Variants in ADCY10 observed in about 807,000 individuals in gnomAD.
ADCY10 encodes adenylate cyclase 10, also known as adenylate cyclase type 10.
In ADCY10, 156 loss-of-function variants were observed where a neutral mutation model predicts 183.3. That is an observed-to-expected ratio of 0.85 (90% CI 0.75 to 0.97). The LOEUF is 0.97. Among genes scored for constraint, ADCY10 ranks in the 50% least tolerant of loss-of-function variants. The probability of loss-of-function intolerance (pLI) is 0.00; values close to 1 mark genes in which losing one functional copy is unlikely to be tolerated. For synonymous variants in ADCY10, 645 were observed against 670.0 expected, an observed-to-expected ratio of 0.96 and a Z score of 0.58; for missense variants, 1,745 against 1,934.3, an observed-to-expected ratio of 0.90 and a Z score of 1.84.
chr1:167,874,069 C>T (rs1283984770), intron 13 of ADCY10, among the ~76,000 whole-genome samples: 5 of 152,288 alleles, frequency 3.3e-5, no homozygotes, highest in South Asian at 4.1e-4. Flanking sequence ...CAGTGGCTCA[C>T]GCCTGTAATC....
intron 30 of ADCY10, among the ~76,000 whole-genome samples, chr1:167,821,515 G>C (rs1038883698): frequency 6.6e-6 from 1 of 152,212 alleles, no homozygotes; most frequent in Non-Finnish European, 1.5e-5. Context: ...TGCTACAAGA[G>C]GCCTGCCTCC....
intron 8 of ADCY10, among the ~76,000 whole-genome samples, chr1:167,885,367 T>A (rs1250486385): frequency 6.6e-6 from 1 of 152,248 alleles, no homozygotes; most frequent in Non-Finnish European, 1.5e-5. Context: ...ACTTTCAAAC[T>A]GTTCTCCAAG....
intron 1 of ADCY10, among the ~76,000 whole-genome samples, chr1:167,909,663 G>A (rs1310908989): frequency 6.6e-6 from 1 of 152,062 alleles, no homozygotes; most frequent in Non-Finnish European, 1.5e-5. Context: ...CCGAAAGATT[G>A]GATACCCCTG....
chr1:167,823,781 T>G (rs1663080315), intron 28 of ADCY10, among the ~76,000 whole-genome samples: 1 of 152,212 alleles, frequency 6.6e-6, no homozygotes, highest in Admixed American at 6.5e-5. Context: ...TGGCTCTTTT[T>G]TCAAATTGTT....
intron 18 of ADCY10, among the ~76,000 whole-genome samples, chr1:167,850,728 C>T (rs1370430009): frequency 7.0e-6 from 1 of 142,022 alleles, no homozygotes; most frequent in East Asian, 2.0e-4. Flanking sequence ...GAGAGTGGGG[C>T]TCAAGGATAT....
At chr1:167,858,810 C>T (rs1006769639) in intron 16 of ADCY10, among the ~76,000 whole-genome samples, 3 of 152,090 alleles carry the variant, frequency 2.0e-5, no homozygotes, top group Non-Finnish European at 2.9e-5. Context: ...GTGTGATTTG[C>T]ATATACTCTG....
chr1:167,819,562 A>ATT (rs146743092), intron 30 of ADCY10, among the ~76,000 whole-genome samples: 3 of 145,744 alleles, frequency 2.1e-5, no homozygotes, highest in Non-Finnish European at 4.5e-5. Context: ...TTTATTTTTT[A>ATT]TTTTTTTTTA....
intron 1 of ADCY10, among the ~76,000 whole-genome samples, chr1:167,912,364 G>A (rs1670203125): frequency 6.6e-6 from 1 of 152,166 alleles, no homozygotes; most frequent in South Asian, 2.1e-4. Context: ...TGGCGATTCC[G>A]GAGGCCTTCT....
rs775686417 is a variant in ADCY10, at chr1:167,818,267, C to G, written c.4287G>C (p.Trp1429Cys). Residue 1429 changes from tryptophan (W) to cysteine (C), a missense_variant and splice_region_variant, in exon 31 of 33, where the codon TGG becomes TGC. Trp to Cys is a radical substitution (Grantham distance 215). Transcript: ENST00000367851. ...LLGLYSSVAI[W>C]YARLQEWDNF... is the part of the protein sequence containing the mutation. ...TGTCCCATTCCTGAAGTCTGGCATA[C>G]CTGCATTACCACAAGAGAATAAGAA... The G allele has an allele frequency of 5.0e-6, 8 of 1,613,384 alleles. No homozygotes were observed. In the East Asian group the frequency reaches 1.8e-4, roughly 36 times the overall value.
At chr1:167,850,369 A>C (rs1467132520) in intron 18 of ADCY10, among the ~76,000 whole-genome samples, 2 of 152,230 alleles carry the variant, frequency 1.3e-5, no homozygotes, top group South Asian at 4.1e-4. Flanking sequence ...GAATCTGTGG[A>C]ATAGTTCAAT....
intron 2 of ADCY10, chr1:167,904,468 C>T: frequency 4.7e-6 from 1 of 211,384 alleles, no homozygotes; most frequent in Non-Finnish European, 9.4e-6. Flanking sequence ...CCTCCTCTAG[C>T]TATTATTTTA....
At chr1:167,880,653 C>CT (rs1183125768) in intron 9 of ADCY10, 44 bp from the exon 10 acceptor site, 7 of 1,447,944 alleles carry the variant, frequency 4.8e-6, no homozygotes, top group African/African-American at 1.4e-5. Flanking sequence ...GGACAGTGTG[C>CT]TTTAAACTGG....
At chr1:167,833,217 A>G in intron 24 of ADCY10, 55 bp from the exon 25 acceptor site, 1 of 1,504,816 alleles carries the variant, frequency 6.6e-7, no homozygotes. Flanking sequence ...ATTCTAACTT[A>G]ATTAGTAGGT....
chr1:167,906,458 TCAGATA>T (rs1412250458), intron 1 of ADCY10, among the ~76,000 whole-genome samples: 1 of 151,848 alleles, frequency 6.6e-6, no homozygotes, highest in Non-Finnish European at 1.5e-5. Context: ...ATAAATAACT[TCAGATA>T]GTAAATTTGG....
intron 26 of ADCY10, among the ~76,000 whole-genome samples, chr1:167,826,641 G>A (rs1284824461): frequency 1.3e-5 from 2 of 152,218 alleles, no homozygotes; most frequent in East Asian, 1.9e-4. Context: ...TTGAGCAACT[G>A]CAAATGTTCT....
chr1:167,841,727 C>A (rs992600924), intron 21 of ADCY10, among the ~76,000 whole-genome samples: 2 of 151,914 alleles, frequency 1.3e-5, no homozygotes, highest in African/African-American at 4.8e-5. Context: ...TGGCCTCAAG[C>A]CTCCAAAGCC....
chr1:167,832,552 T>C (rs186816431), intron 25 of ADCY10, among the ~76,000 whole-genome samples: 24 of 152,316 alleles, frequency 1.6e-4, no homozygotes, highest in Non-Finnish European at 2.6e-4. Context: ...TTTTGTCCTT[T>C]GGCAAATGTC....
At chr1:167,885,550 T>C (rs893558098) in intron 8 of ADCY10, among the ~76,000 whole-genome samples, 5 of 152,238 alleles carry the variant, frequency 3.3e-5, no homozygotes, top group Admixed American at 1.3e-4. Context: ...GGTGATGTTG[T>C]GCACCTTTTC....
chr1:167,840,968 C>G (rs912839800), intron 21 of ADCY10, among the ~76,000 whole-genome samples: 2 of 145,078 alleles, frequency 1.4e-5, no homozygotes, highest in African/African-American at 5.2e-5. Flanking sequence ...TGAGACAGGG[C>G]CTTGTTCTGT....
Sources: allele counts gnomAD v4.1 joint callset (sites outside exome capture counted in the v4.1 genomes callset), GRCh38; gene constraint gnomAD v4.1.1; transcripts MANE v1.5; gene names NCBI Gene and HGNC (gene_info 2026-07-23, HGNC 2026-07-21).